GRM7: variants seen among roughly 807,000 people sequenced by gnomAD.
The protein encoded by GRM7 is metabotropic glutamate receptor 7.
Under a neutral mutation model 84.5 loss-of-function variants are expected in GRM7, and 35 were observed. The observed-to-expected ratio is 0.41, with a 90% CI of 0.32 to 0.55. The LOEUF is 0.55. GRM7 is among the 20% of genes least tolerant of loss of function. The pLI, the probability that GRM7 is intolerant of heterozygous loss-of-function variation, is 0.19. For missense variants in GRM7, 1,003 were observed against 1,194.6 expected, an observed-to-expected ratio of 0.84 and a Z score of 2.36; for synonymous variants, 487 against 455.1, an observed-to-expected ratio of 1.07 and a Z score of -0.89.
intron 9 of GRM7, among the ~76,000 whole-genome samples, chr3:7,734,317 G>GA (rs1702431623): frequency 6.6e-6 from 1 of 151,686 alleles, no homozygotes; most frequent in Admixed American, 6.6e-5. Flanking sequence ...TCACTGAGTA[G>GA]AAAAAAAGGA....
intron 2 of GRM7, among the ~76,000 whole-genome samples, chr3:7,174,343 A>G (rs890443794): frequency 6.6e-6 from 1 of 152,258 alleles, no homozygotes; most frequent in Non-Finnish European, 1.5e-5. Context: ...CACTAAAAAC[A>G]TATTAAAGAT....
At chr3:7,342,973 T>C (rs1692712486) in intron 4 of GRM7, among the ~76,000 whole-genome samples, 1 of 152,156 alleles carries the variant, frequency 6.6e-6, no homozygotes, top group Admixed American at 6.5e-5. Flanking sequence ...AGTTCACAGA[T>C]GTTAAGTACT....
chr3:7,531,357 T>C (rs576081104), intron 7 of GRM7, among the ~76,000 whole-genome samples: 2 of 152,276 alleles, frequency 1.3e-5, no homozygotes, highest in Admixed American at 1.3e-4. Flanking sequence ...CCTTGTAGTA[T>C]ATTAGCGGGA....
chr3:7,689,976 C>T (rs552053587), intron 9 of GRM7, among the ~76,000 whole-genome samples: 1 of 152,248 alleles, frequency 6.6e-6, no homozygotes, highest in South Asian at 2.1e-4. Context: ...TGCCAAGTGT[C>T]ACCAAGCTAC....
intron 4 of GRM7, among the ~76,000 whole-genome samples, chr3:7,358,359 A>G (rs954762779): frequency 2.4e-5 from 3 of 125,328 alleles, no homozygotes; most frequent in African/African-American, 3.4e-5. Context: ...GAGTCCCAGG[A>G]GATCATCAAC....
chr3:7,599,928 G>GTGT (rs1189566345), intron 8 of GRM7, among the ~76,000 whole-genome samples: 1 of 152,054 alleles, frequency 6.6e-6, no homozygotes, highest in Non-Finnish European at 1.5e-5. Context: ...TTTTTTGAGT[G>GTGT]ATACAGTGGT....
At chr3:7,666,847 A>C (rs1699723856) in intron 8 of GRM7, among the ~76,000 whole-genome samples, 1 of 152,188 alleles carries the variant, frequency 6.6e-6, no homozygotes, top group Non-Finnish European at 1.5e-5. Context: ...AAGTATAAAA[A>C]GTGAGGGAAA....
chr3:7,277,703 AT>A (rs1034405440), intron 2 of GRM7, among the ~76,000 whole-genome samples: 1 of 151,592 alleles, frequency 6.6e-6, no homozygotes, highest in African/African-American at 2.4e-5. Context: ...TACATTTTGA[AT>A]TTTTTTTGCA....
intron 8 of GRM7, among the ~76,000 whole-genome samples, chr3:7,615,994 T>C (rs1316165664): frequency 6.6e-6 from 1 of 152,082 alleles, no homozygotes; most frequent in South Asian, 2.1e-4. Context: ...AGTAGATACA[T>C]AGTGATATAT....
chr3:6,994,568 T>C (rs1460070342), intron 1 of GRM7, among the ~76,000 whole-genome samples: 1 of 152,160 alleles, frequency 6.6e-6, no homozygotes, highest in Non-Finnish European at 1.5e-5. Context: ...AAGCTGAAGC[T>C]GGTTTTTGTT....
chr3:7,176,527 C>G (rs1286946466), intron 2 of GRM7, among the ~76,000 whole-genome samples: 1 of 152,102 alleles, frequency 6.6e-6, no homozygotes, highest in Non-Finnish European at 1.5e-5. Context: ...CGCAATTGAC[C>G]TGCTACATTT....
At chr3:7,156,251 G>C (rs1365386479) in intron 2 of GRM7, among the ~76,000 whole-genome samples, 1 of 152,194 alleles carries the variant, frequency 6.6e-6, no homozygotes, top group East Asian at 1.9e-4. Context: ...GCAAAGTACA[G>C]TCAGGAGAGG....
intron 1 of GRM7, among the ~76,000 whole-genome samples, chr3:6,984,097 G>A (rs765958184): frequency 2.6e-5 from 4 of 152,070 alleles, no homozygotes; most frequent in Non-Finnish European, 5.9e-5. Flanking sequence ...TAATTACCTT[G>A]CCACTTTTAA....
Position 7,419,862 on chromosome 3 carries a change from A to G in GRM7, c.1174+4699A>G, listed in dbSNP as rs1342229893. ...TAAATTGGTGACATATATTTTTTGT[A>G]ACAAGCCTTCATATTTCATTGCTAG... On this transcript the variant is annotated intron_variant, in intron 5 of 9. Transcript: ENST00000357716. Among the ~76,000 whole-genome samples the G allele has an allele frequency of 2.6e-5, 4 of 152,186 alleles. No homozygotes were observed. The East Asian group carries it at 7.7e-4, about 29-fold the overall frequency.
intron 1 of GRM7, chr3:6,894,135 T>G (rs1323896243): frequency 1.3e-5 from 2 of 152,166 alleles, no homozygotes; most frequent in African/African-American, 4.8e-5. Flanking sequence ...CCTCTTAGGT[T>G]TGGGGAAATT....
intron 1 of GRM7, among the ~76,000 whole-genome samples, chr3:7,116,511 C>T (rs1693039167): frequency 6.6e-6 from 1 of 152,040 alleles, no homozygotes; most frequent in Non-Finnish European, 1.5e-5. Flanking sequence ...CAGTCACATA[C>T]TGTCTGTCTC....
At chr3:7,640,523 A>G (rs1370091655) in intron 8 of GRM7, among the ~76,000 whole-genome samples, 2 of 152,220 alleles carry the variant, frequency 1.3e-5, no homozygotes, top group Non-Finnish European at 2.9e-5. Context: ...TTGTTCTCCA[A>G]TAATAATGGA....
chr3:7,273,409 T>G (rs548720299), intron 2 of GRM7, among the ~76,000 whole-genome samples: 1 of 152,258 alleles, frequency 6.6e-6, no homozygotes, highest in African/African-American at 2.4e-5. Context: ...ATGTCCTCAC[T>G]AATTTTCTGC....
At chr3:7,414,103 T>A (rs1460946492) in intron 4 of GRM7, among the ~76,000 whole-genome samples, 1 of 152,210 alleles carries the variant, frequency 6.6e-6, no homozygotes, top group East Asian at 1.9e-4. Flanking sequence ...GTACATAAAA[T>A]ACTTCTTATT....
Sources: gnomAD v4.1 joint callset for allele counts (sites outside exome capture counted in the v4.1 genomes callset) on GRCh38, gnomAD v4.1.1 for gene constraint, MANE v1.5 for transcripts, NCBI Gene and HGNC (gene_info 2026-07-23, HGNC 2026-07-21) for gene names.